Variants in RYR3 observed in about 807,000 individuals in gnomAD.
RYR3 encodes brain ryanodine receptor-calcium release channel.
RYR3 carries 207 observed loss-of-function variants against 584.3 expected under a neutral mutation model. The ratio of observed to expected loss-of-function variants is 0.35; its 90% CI spans 0.32 to 0.40. The LOEUF (loss-of-function observed/expected upper bound fraction) is 0.40, where lower values mean the gene tolerates loss of function less well. Among genes scored for constraint, RYR3 ranks in the 10% least tolerant of loss-of-function variants. RYR3 has a pLI of 1.00. For missense variants in RYR3, 5,616 were observed against 6,089.2 expected, an observed-to-expected ratio of 0.92 and a Z score of 2.59; for synonymous variants, 2,416 against 2,248.5, an observed-to-expected ratio of 1.07 and a Z score of -2.11.
chr15:33,431,209 C>G (rs1247888894), intron 1 of RYR3, among the ~76,000 whole-genome samples: 1 of 152,072 alleles, frequency 6.6e-6, no homozygotes, highest in Non-Finnish European at 1.5e-5. Context: ...TCTACTGCCA[C>G]GTAACAAAAG....
At chr15:33,716,532 C>T (rs1242891290) in intron 43 of RYR3, among the ~76,000 whole-genome samples, 1 of 152,104 alleles carries the variant, frequency 6.6e-6, no homozygotes, top group Non-Finnish European at 1.5e-5. Context: ...CATCAAAGTC[C>T]AGAAATAAGC....
At chr15:33,379,687 C>CTCTCTCTATATATATATATA in intron 1 of RYR3, among the ~76,000 whole-genome samples, 5 of 125,518 alleles carry the variant, frequency 4.0e-5, no homozygotes, top group African/African-American at 1.4e-4. Context: ...CTCTCTCTCT[C>CTCTCTCTATATATATATATA]TATATATATA....
intron 1 of RYR3, among the ~76,000 whole-genome samples, chr15:33,444,673 A>C (rs1478441361): frequency 6.6e-6 from 1 of 152,166 alleles, no homozygotes; most frequent in Admixed American, 6.5e-5. Context: ...ATTACATTGG[A>C]GGCTTAGACC....
intron 57 of RYR3, among the ~76,000 whole-genome samples, chr15:33,753,090 A>G (rs149331422): frequency 3.9e-4 from 59 of 152,242 alleles, no homozygotes; most frequent in African/African-American, 1.2e-3. Context: ...ATATTTTTCA[A>G]ATTTCCTCCC....
rs374506300 is a variant in RYR3 at position 33,401,056 on chromosome 15, TAGC to T, written c.52-72359_52-72357del. On this transcript the variant is annotated intron_variant, in intron 1 of 103. Coordinates refer to ENST00000634891, the MANE Select transcript of RYR3 (RefSeq NM_001036.6). ...GGTTACTGGAACATGTGAAAGGCAT[TAGC>T]AGCCCAGGGCCAAATATGAGCGAAT... Among the ~76,000 whole-genome samples, 808 of 152,308 alleles carry T rather than the reference TAGC, an allele frequency of 5.3e-3. 7 individuals carry two copies. Among genetic ancestry groups the T allele is most frequent in the African/African-American group, 0.018 (762 of 41,562 alleles).
At chr15:33,815,858 G>A in intron 74 of RYR3, 1 of 398,508 alleles carries the variant, frequency 2.5e-6, no homozygotes, top group East Asian at 3.6e-5. Context: ...ATTTCTTCCT[G>A]AGCACCTTTC....
chr15:33,775,206 G>A (rs1321227923), intron 64 of RYR3, among the ~76,000 whole-genome samples: 1 of 152,160 alleles, frequency 6.6e-6, no homozygotes, highest in East Asian at 1.9e-4. Context: ...TCAAGGCTTG[G>A]AGAAGCCCCT....
intron 18 of RYR3, among the ~76,000 whole-genome samples, chr15:33,612,346 C>T (rs8036286): frequency 0.017 from 2,517 of 152,242 alleles, 65 homozygotes; most frequent in African/African-American, 0.054. Flanking sequence ...AAGCAAACTA[C>T]GTAGCATAGT....
chr15:33,662,876 G>A lies in RYR3; in HGVS notation c.5346G>A (p.Gly1782=). 6.2e-7 allele frequency: 1 copy of A among 1,613,708 alleles called. No individual in the cohort carries two copies. Among genetic ancestry groups the A allele is most frequent in the African/African-American group, 1.3e-5 (1 of 75,046 alleles). Residue 1782 remains glycine (G), a synonymous_variant, in exon 35 of 104, where the codon GGG becomes GGA. Coordinates refer to ENST00000634891, the MANE Select transcript of RYR3 (RefSeq NM_001036.6). ...TGGAGGAGAAGGCTGTGGAGGCTGG[G>A]GAGAAGGCCGGCAAGGAGGCTCCTG... The part of the protein sequence containing the change: ...TQVEEKAVEA[G]EKAGKEAPVK...
intron 1 of RYR3, among the ~76,000 whole-genome samples, chr15:33,363,898 AC>A: frequency 6.6e-6 from 1 of 152,276 alleles, no homozygotes; most frequent in South Asian, 2.1e-4. Flanking sequence ...AAAAACTGAT[AC>A]TGGATCCAGT....
intron 90 of RYR3, among the ~76,000 whole-genome samples, 159 bp downstream of exon 90, chr15:33,841,042 A>G (rs1399406797): frequency 4.6e-5 from 7 of 151,762 alleles, no homozygotes; most frequent in Admixed American, 4.6e-4. Flanking sequence ...ACATAATGAG[A>G]CCCCATCTCT....
chr15:33,469,073 TG>T (rs2048714481), intron 1 of RYR3, among the ~76,000 whole-genome samples: 1 of 152,038 alleles, frequency 6.6e-6, no homozygotes, highest in African/African-American at 2.4e-5. Flanking sequence ...AAACATATAG[TG>T]GGGGAGAAGG....
At chr15:33,633,678 G>T (rs28582856) in intron 24 of RYR3, among the ~76,000 whole-genome samples, 23,209 of 152,220 alleles carry the variant, frequency 0.15, 2,216 homozygotes, top group South Asian at 0.23. Flanking sequence ...CAAACTATGG[G>T]GGGAGGAGGA....
chr15:33,325,454 T>C (rs1036308951), intron 1 of RYR3, among the ~76,000 whole-genome samples: 1 of 152,256 alleles, frequency 6.6e-6, no homozygotes, highest in African/African-American at 2.4e-5. Flanking sequence ...TGTACTTTAC[T>C]ACTTTCATGT....
At position 33,602,496 on chromosome 15, in the gene RYR3, T is replaced by C. The variant is rs1359239160; in HGVS notation, c.1923-627T>C. On this transcript the variant is annotated intron_variant, in intron 17 of 103. Coordinates refer to ENST00000634891, the MANE Select transcript of RYR3 (RefSeq NM_001036.6). The stretch of plus-strand genomic sequence containing the variant: ...CTGAAAATAAGGGTGCTTATACCAA[T>C]TGACCAAAAAATGGAACTCAAGTAA... Among the ~76,000 whole-genome samples the C allele has an allele frequency of 2.6e-5, 4 of 152,072 alleles. No homozygotes were observed. The East Asian group carries it at 5.8e-4, about 22-fold the overall frequency.
At chr15:33,758,494 G>A (rs776527831) in intron 60 of RYR3, among the ~76,000 whole-genome samples, 2 of 152,158 alleles carry the variant, frequency 1.3e-5, no homozygotes, top group South Asian at 2.1e-4. Flanking sequence ...TGAGTAGGCC[G>A]TTTTCCCCTC....
Position 33,728,981 on chromosome 15 carries a change from G to A in RYR3, c.7158G>A (p.Glu2386=), listed in dbSNP as rs749172404. The change falls in exon 47 of 104, where the codon GAG becomes GAA. Residue 2386 remains glutamate (E), a synonymous_variant. Transcript: ENST00000634891. ...AAACTTTTCTGCTCCACTTGCTGGAGGTTGGATTTTTACCTGACCTAAGAG... is the reference window on the plus strand; with the variant it reads ...AAACTTTTCTGCTCCACTTGCTGGAAGTTGGATTTTTACCTGACCTAAGAG... ...KDQTFLLHLL[E]VGFLPDLRAS... is the part of the protein sequence containing the mutation. 107 of 1,613,808 alleles carry A rather than the reference G, an allele frequency of 6.6e-5. 1 individual carries two copies. The South Asian group carries it at 1.2e-3, about 18-fold the overall frequency.
At chr15:33,571,083 G>C (rs2058002227) in intron 12 of RYR3, among the ~76,000 whole-genome samples, 1 of 151,478 alleles carries the variant, frequency 6.6e-6, no homozygotes, top group South Asian at 2.1e-4. Context: ...TTATTGCACT[G>C]GCTGGAACAT....
intron 18 of RYR3, among the ~76,000 whole-genome samples, chr15:33,607,325 T>TA (rs1304449372): frequency 1.3e-5 from 2 of 152,036 alleles, no homozygotes; most frequent in Non-Finnish European, 1.5e-5. Flanking sequence ...AAGTGGCCTT[T>TA]AAAAAAAATC....
Sources: gnomAD v4.1 joint callset for allele counts (sites outside exome capture counted in the v4.1 genomes callset) on GRCh38, gnomAD v4.1.1 for gene constraint, MANE v1.5 for transcripts, NCBI Gene and HGNC (gene_info 2026-07-23, HGNC 2026-07-21) for gene names.